POP1: variants seen among roughly 807,000 people sequenced by gnomAD.
POP1 encodes the protein ribonucleases P/MRP protein subunit POP1.
Under a neutral mutation model 102.2 loss-of-function variants are expected in POP1, and 75 were observed. The observed-to-expected ratio is 0.73, with a 90% CI of 0.61 to 0.89. The LOEUF (loss-of-function observed/expected upper bound fraction) is 0.89, where lower values mean the gene tolerates loss of function less well. Among genes scored for constraint, POP1 ranks in the 40% least tolerant of loss-of-function variants. The pLI is 0.00. For synonymous variants in POP1, 436 were observed against 464.1 expected (o/e 0.94, Z 0.78); for missense variants, 1,116 against 1,267.4 (o/e 0.88, Z 1.81).
intron 1 of POP1, among the ~76,000 whole-genome samples, chr8:98,122,359 T>C (rs1816055413): frequency 1.3e-5 from 2 of 152,194 alleles, no homozygotes. Context: ...ATTTTATGTA[T>C]AGGTAGAAGT....
intron 14 of POP1, among the ~76,000 whole-genome samples, chr8:98,153,004 C>G (rs1315917194): frequency 1.3e-5 from 2 of 152,164 alleles, no homozygotes; most frequent in African/African-American, 2.4e-5. Flanking sequence ...CGGTCTCGCT[C>G]TGTCACCCAG....
At position 98,157,848 on chromosome 8, in the gene POP1, C is replaced by T; in HGVS notation, c.2652C>T (p.Leu884=). The T allele has an allele frequency of 6.2e-7, 1 of 1,614,164 alleles. No individual in the cohort carries two copies. Among genetic ancestry groups the T allele is most frequent in the Non-Finnish European group, 8.5e-7 (1 of 1,179,974 alleles). The change falls in exon 16 of 16, where the codon CTC becomes CTT. Residue 884 remains leucine (L), a synonymous_variant. Coordinates refer to ENST00000401707, the MANE Select transcript of POP1 (RefSeq NM_001145860.2). ...GTGTCCCAGCCAAGGAGGACTTCCT[C>T]CAGCTCCATGAGGACTGGCATTACT... is the stretch of plus-strand genomic sequence containing the variant. ...MICVPAKEDF[L]QLHEDWHYCG...
intron 13 of POP1, among the ~76,000 whole-genome samples, chr8:98,149,922 T>C (rs949730882): frequency 5.3e-5 from 8 of 152,294 alleles, no homozygotes; most frequent in Non-Finnish European, 1.2e-4. Context: ...GGAGTAGGAA[T>C]ATTTAAAAAT....
chr8:98,117,663 C>G (rs1014745239), intron 1 of POP1, among the ~76,000 whole-genome samples: 1 of 152,154 alleles, frequency 6.6e-6, no homozygotes, highest in Non-Finnish European at 1.5e-5. Context: ...CTTCTGCAAC[C>G]CCAAATGACT....
At chr8:98,121,299 A>T (rs1586224047) in intron 1 of POP1, among the ~76,000 whole-genome samples, 2 of 152,142 alleles carry the variant, frequency 1.3e-5, no homozygotes, top group East Asian at 3.9e-4. Context: ...AAGTAAGTGA[A>T]TGGGGGGTAA....
In POP1 at chr8:98,156,377, T is replaced by G; in HGVS notation, c.2385T>G (p.His795Gln). ...CAGACCAGGAGGCCAGTGAAAACCA[T>G]GTTGCTGCCACAGGGAGTCACCTCT... ...RITDQEASEN[H>Q]VAATGSHLCV... Residue 795 changes from histidine to glutamine, a missense_variant, in exon 15 of 16, where the codon CAT becomes CAG. Physicochemically the swap from His to Gln is conservative, Grantham distance 24. Transcript: ENST00000401707. The G allele has an allele frequency of 6.2e-7, 1 of 1,613,866 alleles. No individual in the cohort carries two copies. The highest frequency in any genetic ancestry group is 8.5e-7 in the Non-Finnish European group (1 of 1,179,968).
At chr8:98,153,004 C>T (rs1315917194) in intron 14 of POP1, among the ~76,000 whole-genome samples, 3 of 152,164 alleles carry the variant, frequency 2.0e-5, no homozygotes, top group Admixed American at 2.0e-4. Flanking sequence ...CGGTCTCGCT[C>T]TGTCACCCAG....
rs185095782 is a variant in POP1 at position 98,144,167 on chromosome 8, C to A, written c.1595-2401C>A. Among the ~76,000 whole-genome samples, 67 of 151,830 alleles carry A rather than the reference C, an allele frequency of 4.4e-4. 1 individual carries two copies. In the East Asian group the frequency reaches 6.2e-3, roughly 14 times the overall value. On this transcript the variant is annotated intron_variant, in intron 11 of 15. Transcript: ENST00000401707. ...GAGCAAGACTCCATCTAAAAAAAAA[C>A]CCAAAAATTTCCTCTGTGTCTTCTC...
intron 14 of POP1, among the ~76,000 whole-genome samples, chr8:98,151,741 T>C (rs1696033483): frequency 1.9e-5 from 1 of 52,968 alleles, no homozygotes; most frequent in Non-Finnish European, 3.2e-5. Context: ...CCTGGCTTGC[T>C]TTTTTTTTTT....
chr8:98,133,896 G>A (rs922106803), intron 5 of POP1, 53 bp from the exon 6 acceptor site: 2 of 1,363,858 alleles, frequency 1.5e-6, no homozygotes, highest in East Asian at 2.3e-5. Flanking sequence ...CTTCTTAGCA[G>A]TTTTGCCTGT....
At chr8:98,149,029 C>T (rs1302455636) in intron 13 of POP1, 23 bp downstream of exon 13, 1 of 1,587,440 alleles carries the variant, frequency 6.3e-7, no homozygotes, top group Non-Finnish European at 8.6e-7. Context: ...TTGATTCTAA[C>T]AGTTGCAATA....
At chr8:98,147,460 G>C (rs1391726329) in intron 12 of POP1, among the ~76,000 whole-genome samples, 1 of 152,166 alleles carries the variant, frequency 6.6e-6, no homozygotes, top group Non-Finnish European at 1.5e-5. Context: ...GACACAAATG[G>C]GGCTACAGCA....
Position 98,156,422 on chromosome 8 carries a change from G to A in POP1, c.2420+10G>A, listed in dbSNP as rs746329804. The A allele has an allele frequency of 3.1e-6, 5 of 1,613,190 alleles. No individual in the cohort carries two copies. The highest frequency in any genetic ancestry group is 2.2e-5 in the South Asian group (2 of 91,004). ...ACCTCTGCGTTCTCAGGTAAGTGTC[G>A]GTGACTTCTGGGTACATTTTGGATT... On this transcript the variant is annotated intron_variant, in intron 15 of 15. Coordinates refer to ENST00000401707, the MANE Select transcript of POP1 (RefSeq NM_001145860.2).
rs936176292 is a variant in POP1, at chr8:98,137,001, C to T, written c.1362+47C>T. ...GTGTTTTATTCTAATCATGTTTTTC[C>T]TGTCAAATTTGTGAAACCTAATATA... On this transcript the variant is annotated intron_variant, in intron 9 of 15. Transcript: ENST00000401707. 9 of 1,518,106 alleles carry T rather than the reference C, an allele frequency of 5.9e-6. No individual in the cohort carries two copies. In the African/African-American group the frequency reaches 1.2e-4, roughly 21 times the overall value. The allele number at this position is 1,518,106 out of a possible 1,614,324, so 94.0% of individuals were successfully genotyped here.
chr8:98,157,740 C>G lies in POP1; in HGVS notation c.2544C>G (p.Ile848Met). 1 of 1,614,234 alleles carries G rather than the reference C, an allele frequency of 6.2e-7. No individual in the cohort carries two copies. Among genetic ancestry groups the G allele is most frequent in the Non-Finnish European group, 8.5e-7 (1 of 1,180,046 alleles). ...TGACCAGAGAGGCTTGCCTGTCCATCTTGGGCCACTTCCCCAGGGCCCTGG... is the reference window on the plus strand; with the variant it reads ...TGACCAGAGAGGCTTGCCTGTCCATGTTGGGCCACTTCCCCAGGGCCCTGG... Reference protein sequence around the residue: ...QGLTREACLSILGHFPRALVW... With the variant: ...QGLTREACLSMLGHFPRALVW... The change falls in exon 16 of 16, where the codon ATC becomes ATG. Residue 848 changes from isoleucine to methionine, a missense_variant. Ile to Met is a conservative substitution (Grantham distance 10). Transcript: ENST00000401707.
At chr8:98,146,745 A>G in intron 12 of POP1, 62 bp downstream of exon 12, 1 of 1,247,418 alleles carries the variant, frequency 8.0e-7, no homozygotes, top group Non-Finnish European at 1.2e-6. Context: ...ATATCATTCT[A>G]GAGACCATAA....
chr8:98,118,219 T>C (rs1346983143), intron 1 of POP1, among the ~76,000 whole-genome samples: 1 of 152,198 alleles, frequency 6.6e-6, no homozygotes, highest in Non-Finnish European at 1.5e-5. Context: ...CCTTTCAGTC[T>C]GGCCTCCCCT....
chr8:98,136,893 T>C lies in POP1; in HGVS notation c.1301T>C (p.Leu434Pro). 6.2e-7 allele frequency: 1 copy of C among 1,614,060 alleles called. No individual in the cohort carries two copies. The highest frequency in any genetic ancestry group is 8.5e-7 in the Non-Finnish European group (1 of 1,179,862). Residue 434 changes from leucine (L) to proline (P), a missense_variant, in exon 9 of 16, where the codon CTG becomes CCG. Transcript: ENST00000401707. ...ACGATGGAGATGAACAGATTCCGGC[T>C]GATTGGGCCACTTTCCCACTCCATC... ...DLTMEMNRFR[L>P]IGPLSHSILT...
chr8:98,121,509 C>T (rs1335345161), intron 1 of POP1, among the ~76,000 whole-genome samples: 1 of 137,680 alleles, frequency 7.3e-6, no homozygotes, highest in Non-Finnish European at 1.5e-5. Flanking sequence ...ATTGGTTACA[C>T]GGGTTTTTTT....
Sources: gnomAD v4.1 joint callset for allele counts (sites outside exome capture counted in the v4.1 genomes callset) on GRCh38, gnomAD v4.1.1 for gene constraint, MANE v1.5 for transcripts, NCBI Gene and HGNC (gene_info 2026-07-23, HGNC 2026-07-21) for gene names.